Variants in ARMC2 observed in about 807,000 individuals in gnomAD.
ARMC2 encodes armadillo repeat containing 2.
In ARMC2, 67 loss-of-function variants were observed where a neutral mutation model predicts 90.3. The observed-to-expected ratio is 0.74, with a 90% CI of 0.61 to 0.91. ARMC2 has a LOEUF of 0.91. ARMC2 is among the 40% of genes least tolerant of loss of function. The pLI, the probability that ARMC2 is intolerant of heterozygous loss-of-function variation, is 0.00. For synonymous variants in ARMC2, 393 were observed against 393.0 expected (o/e 1.00, Z 0.00); for missense variants, 920 against 1,030.9 (o/e 0.89, Z 1.47).
the ARMC2 span, among the ~76,000 whole-genome samples, chr6:109,040,791 T>C: frequency 6.6e-6 from 1 of 151,958 alleles, no homozygotes; most frequent in African/African-American, 2.4e-5. Flanking sequence ...TAGCTGGAAC[T>C]ACAGGTGCAC....
rs765972004 is a variant in ARMC2, at chr6:108,936,959, C to T, written c.1556C>T (p.Ala519Val). 3.7e-6 allele frequency: 6 copies of T among 1,602,550 alleles called. No homozygotes were observed. The highest frequency in any genetic ancestry group is 5.1e-6 in the Non-Finnish European group (6 of 1,174,012). ...TTGGCCAGCTATTCCAGATGTTATG[C>T]CTTATTTCTGAATCTAATTAACAAA... ...TALASYSRCY[A>V]LFLNLINKYQ... Residue 519 changes from alanine to valine, a missense_variant, in exon 12 of 18, where the codon GCC (alanine) becomes GTC (valine). Ala to Val is a moderately conservative substitution (Grantham distance 64, BLOSUM62 0). Transcript: ENST00000392644.
At chr6:108,983,423 T>C in the ARMC2 span, among the ~76,000 whole-genome samples, 2 of 152,228 alleles carry the variant, frequency 1.3e-5, no homozygotes, top group Non-Finnish European at 2.9e-5. Context: ...TTTAGGTCTT[T>C]GAGTTTTTTA....
chr6:108,925,391 ACTGGACTTG>A (rs1183949168), intron 10 of ARMC2, among the ~76,000 whole-genome samples: 1 of 152,248 alleles, frequency 6.6e-6, no homozygotes, highest in Non-Finnish European at 1.5e-5. Flanking sequence ...TGTACCAGGC[ACTGGACTTG>A]GAGCTGGATG....
chr6:108,951,520 A>C (rs1777177048), intron 12 of ARMC2, among the ~76,000 whole-genome samples: 1 of 152,200 alleles, frequency 6.6e-6, no homozygotes, highest in Non-Finnish European at 1.5e-5. Flanking sequence ...AATGTTTGGC[A>C]AATGGTTTCC....
the ARMC2 span, among the ~76,000 whole-genome samples, chr6:108,998,209 A>G: frequency 6.6e-6 from 1 of 152,214 alleles, no homozygotes; most frequent in Non-Finnish European, 1.5e-5. Context: ...GCAGTAGCCA[A>G]TCAATATTAT....
intron 7 of ARMC2, among the ~76,000 whole-genome samples, chr6:108,901,270 T>G (rs1429862860): frequency 1.3e-5 from 2 of 150,660 alleles, no homozygotes; most frequent in Admixed American, 1.3e-4. Context: ...CCCGCCACCA[T>G]GCCTGGCTAA....
At chr6:108,912,213 TGAA>T in intron 9 of ARMC2, 119 bp from the exon 10 acceptor site, 2 of 737,480 alleles carry the variant, frequency 2.7e-6, no homozygotes. Context: ...AACAAGCACT[TGAA>T]TGTAGATTTT....
intron 7 of ARMC2, among the ~76,000 whole-genome samples, chr6:108,901,139 A>G (rs1384920392): frequency 1.4e-5 from 1 of 72,438 alleles, no homozygotes; most frequent in African/African-American, 5.2e-5. Context: ...TTTTTTTGAG[A>G]CAGTCGCTCT....
At chr6:109,037,222 T>C in the ARMC2 span, among the ~76,000 whole-genome samples, 27 of 152,368 alleles carry the variant, frequency 1.8e-4, no homozygotes, top group African/African-American at 6.3e-4. Context: ...CTATTTTCTA[T>C]TAAAATGTAC....
In ARMC2 at chr6:108,899,786, GA is replaced by G; in HGVS notation, c.845del (p.Lys282ArgfsTer19). 1 of 1,609,218 alleles carries G rather than the reference GA, an allele frequency of 6.2e-7. No individual in the cohort carries two copies. The highest frequency in any genetic ancestry group is 1.7e-5 in the Admixed American group (1 of 59,506). On this transcript the variant is annotated frameshift_variant, in exon 7 of 18. Transcript: ENST00000392644. LOFTEE classifies it high-confidence loss of function. The part of the protein sequence containing the change: ...TRIVPILREL[E>X]KEENIETVCA... ...GATTGTACCGATTTTGCGTGAATTA[GA>G]AAAGGGTAAAACACAAACAAACAAA...
chr6:109,048,348 T>C, the ARMC2 span, among the ~76,000 whole-genome samples: 2 of 152,070 alleles, frequency 1.3e-5, no homozygotes, highest in African/African-American at 4.8e-5. Context: ...CCTTGTTTAC[T>C]TGTCTTGAGA....
chr6:108,987,301 TG>T, the ARMC2 span: 1 of 421,184 alleles, frequency 2.4e-6, no homozygotes, highest in Admixed American at 4.2e-5. Context: ...CATCTTGTAC[TG>T]TCAAAAAGCA....
rs1374274762 is a variant in ARMC2, at chr6:108,904,375, C to T, written c.993C>T (p.Leu331=). ...CKLVDVGSDS[L]SLKLAKIILA... ...TAGTTGATGTTGGTTCAGACTCGCT[C>T]AGCCTTAAACTTGCAAAAATAATTC... is the stretch of plus-strand genomic sequence containing the variant. The change falls in exon 8 of 18, where the codon CTC becomes CTT. Residue 331 remains leucine, a synonymous_variant. Coordinates refer to ENST00000392644, the MANE Select transcript of ARMC2 (RefSeq NM_032131.6). 3 of 1,608,066 alleles carry T rather than the reference C, an allele frequency of 1.9e-6. No homozygotes were observed. Among genetic ancestry groups the T allele is most frequent in the African/African-American group, 1.3e-5 (1 of 74,608 alleles).
intron 1 of ARMC2, among the ~76,000 whole-genome samples, chr6:108,851,123 T>G (rs77788126): frequency 0.012 from 1,795 of 152,318 alleles, 33 homozygotes; most frequent in African/African-American, 0.042. Context: ...ATTTAATTTA[T>G]TTGGTTCAGC....
At chr6:109,001,508 C>A in the ARMC2 span, 1 of 1,604,542 alleles carries the variant, frequency 6.2e-7, no homozygotes, top group Non-Finnish European at 8.5e-7. Context: ...TGAGAAAAAC[C>A]ATGGTTACTG....
At chr6:108,952,271 T>C (rs528532692) in intron 12 of ARMC2, among the ~76,000 whole-genome samples, 1 of 152,354 alleles carries the variant, frequency 6.6e-6, no homozygotes, top group Non-Finnish European at 1.5e-5. Context: ...AGTTTTAAAA[T>C]GTTCCCAGCT....
chr6:109,041,153 C>A, the ARMC2 span, among the ~76,000 whole-genome samples: 24 of 141,864 alleles, frequency 1.7e-4, no homozygotes, highest in South Asian at 4.6e-4. Context: ...AAAAAAAAAA[C>A]AAACCAAAAC....
chr6:108,909,560 G>A (rs1314553283), intron 8 of ARMC2, among the ~76,000 whole-genome samples: 1 of 151,636 alleles, frequency 6.6e-6, no homozygotes, highest in Non-Finnish European at 1.5e-5. Context: ...TTTTGACACG[G>A]GGTCTCACTC....
chr6:108,859,339 T>C (rs1774978427), intron 3 of ARMC2, among the ~76,000 whole-genome samples: 1 of 152,182 alleles, frequency 6.6e-6, no homozygotes, highest in African/African-American at 2.4e-5. Context: ...CTCCTTGTGC[T>C]GGCTTTTTCG....
Sources: allele counts gnomAD v4.1 joint callset (sites outside exome capture counted in the v4.1 genomes callset), GRCh38; gene constraint gnomAD v4.1.1; transcripts MANE v1.5; gene names NCBI Gene and HGNC (gene_info 2026-07-23, HGNC 2026-07-21).